GAB4: variants seen among roughly 807,000 people sequenced by gnomAD.
GAB4 encodes the protein GRB2 associated binding protein family member 4.
A neutral mutation model predicts 51.3 loss-of-function variants in GAB4; 26 were observed. The observed-to-expected ratio is 0.51, with a 90% CI of 0.37 to 0.70. The LOEUF (loss-of-function observed/expected upper bound fraction) is 0.70. Among genes scored for constraint, GAB4 ranks in the 30% least tolerant of loss-of-function variants. GAB4 has a pLI of 0.00. For synonymous variants in GAB4, 329 were observed against 291.2 expected, an observed-to-expected ratio of 1.13 and a Z score of -1.32; for missense variants, 759 against 734.6, an observed-to-expected ratio of 1.03 and a Z score of -0.38.
At chr22:16,989,200 C>A (rs1219864442) in intron 2 of GAB4, among the ~76,000 whole-genome samples, 2 of 152,190 alleles carry the variant, frequency 1.3e-5, no homozygotes, top group Non-Finnish European at 2.9e-5. Flanking sequence ...ACCCCAACAG[C>A]AAAACTTCTT....
Position 17,008,092 on chromosome 22 carries a change from G to A in GAB4, c.23C>T (p.Pro8Leu). ...GTCAGGTGGGCACAGCTCCCGGGAG[G>A]GTGAGGGGGACGGCAGGGACATGGG... MSLPSPS[P>L]SRELCPPDPA... is the part of the protein sequence containing the mutation. Residue 8 changes from proline to leucine, a missense_variant, in exon 1 of 10, where the codon CCC (proline) becomes CTC (leucine). Coordinates refer to ENST00000400588, the MANE Select transcript of GAB4 (RefSeq NM_001037814.1). 2 of 1,607,512 alleles carry A rather than the reference G, an allele frequency of 1.2e-6. No individual in the cohort carries two copies. Among genetic ancestry groups the A allele is most frequent in the South Asian group, 2.2e-5 (2 of 89,890 alleles).
intron 1 of GAB4, among the ~76,000 whole-genome samples, chr22:16,994,462 G>T (rs1036262429): frequency 1.3e-5 from 2 of 152,202 alleles, no homozygotes; most frequent in African/African-American, 4.8e-5. Flanking sequence ...GTGTGTACAT[G>T]GTGCAGGTGT....
intron 1 of GAB4, among the ~76,000 whole-genome samples, chr22:16,996,096 GT>G (rs909969998): frequency 6.6e-6 from 1 of 151,984 alleles, no homozygotes; most frequent in Admixed American, 6.6e-5. Context: ...AGGATAACCA[GT>G]TTAGAGAAGA....
intron 8 of GAB4, 46 bp from the exon 9 acceptor site, chr22:16,963,875 G>T: frequency 6.8e-7 from 1 of 1,470,520 alleles, no homozygotes; most frequent in South Asian, 1.1e-5. Context: ...TCAGGACACA[G>T]ACCCAGCACC....
At chr22:17,007,722 T>TCC (rs2061052819) in intron 1 of GAB4, among the ~76,000 whole-genome samples, 1 of 151,716 alleles carries the variant, frequency 6.6e-6, no homozygotes, top group Non-Finnish European at 1.5e-5. Context: ...GGTAATAGGG[T>TCC]CCCCAGCCCT....
intron 9 of GAB4, 100 bp downstream of exon 9, chr22:16,963,625 A>T: frequency 2.5e-6 from 2 of 788,386 alleles, no homozygotes; most frequent in African/African-American, 1.7e-5. Context: ...TGGGAGTGGC[A>T]GCCCAGCAGC....
chr22:16,982,801 T>C (rs2060837224), intron 3 of GAB4, among the ~76,000 whole-genome samples: 1 of 152,192 alleles, frequency 6.6e-6, no homozygotes, highest in African/African-American at 2.4e-5. Flanking sequence ...CTTGCATGTC[T>C]GACATAATGT....
chr22:16,964,596 A>T (rs2060655834), intron 8 of GAB4, among the ~76,000 whole-genome samples, 170 bp downstream of exon 8: 1 of 152,112 alleles, frequency 6.6e-6, no homozygotes, highest in Non-Finnish European at 1.5e-5. Context: ...TCCTAACCCT[A>T]ATGATTGCCT....
At chr22:16,992,979 G>A (rs1274154912) in intron 1 of GAB4, among the ~76,000 whole-genome samples, 6 of 151,948 alleles carry the variant, frequency 3.9e-5, no homozygotes, top group Non-Finnish European at 8.8e-5. Flanking sequence ...TCCTGCTTCC[G>A]CCTCCCAAAG....
In GAB4 at chr22:16,964,408, G is replaced by A. The variant is rs925347463; in HGVS notation, c.1476+358C>T. Among the ~76,000 whole-genome samples, 8 of 152,082 alleles carry A rather than the reference G, an allele frequency of 5.3e-5. No individual in the cohort carries two copies. The East Asian group carries it at 5.8e-4, about 11-fold the overall frequency. Reference sequence around the variant, plus strand: ...TCCTGTGTTCCACCTGCATCTCCACGTCTCTCACAGCCCTCACCAGGGTGA... The same window carrying A: ...TCCTGTGTTCCACCTGCATCTCCACATCTCTCACAGCCCTCACCAGGGTGA... On this transcript the variant is annotated intron_variant, in intron 8 of 9. Transcript: ENST00000400588.
At chr22:16,974,950 A>G (rs1211419669) in intron 3 of GAB4, among the ~76,000 whole-genome samples, 2 of 152,160 alleles carry the variant, frequency 1.3e-5, no homozygotes, top group African/African-American at 4.8e-5. Flanking sequence ...GCCGAGAGGG[A>G]CTGTGCTGTG....
intron 1 of GAB4, among the ~76,000 whole-genome samples, chr22:17,002,930 G>A (rs2061009682): frequency 6.6e-6 from 1 of 152,162 alleles, no homozygotes. Context: ...CTGTATTCAG[G>A]AGACCCATCT....
In GAB4 at chr22:16,962,269, C is replaced by T. The variant is rs2060635736; in HGVS notation, c.*464G>A. 1 of 153,408 alleles carries T rather than the reference C, an allele frequency of 6.5e-6. No individual in the cohort carries two copies. The allele number at this position is 153,408 out of a possible 1,614,324, so 9.5% of individuals were successfully genotyped here. ...TTTGCTTCTCAAGACCACCTTTAAC[C>T]TTCCTTCTCAACTATTCCAACGTTT... On this transcript the variant is annotated 3_prime_UTR_variant, in exon 10 of 10. Coordinates refer to ENST00000400588, the MANE Select transcript of GAB4 (RefSeq NM_001037814.1).
chr22:16,967,295 G>C (rs2123645055), intron 5 of GAB4: 1 of 153,312 alleles, frequency 6.5e-6, no homozygotes, highest in East Asian at 1.9e-4. Context: ...GCACCATGCA[G>C]ATGTGGCTCA....
In GAB4 at chr22:16,965,298, C is replaced by T. The variant is rs768349397; in HGVS notation, c.1289-30G>A. 3.9e-6 allele frequency: 6 copies of T among 1,522,606 alleles called. No homozygotes were observed. The African/African-American group carries it at 4.1e-5, about 10-fold the overall frequency. 94.3% of individuals were successfully genotyped at this position (1,522,606 alleles called of 1,614,324 possible). ...AGCAGGAAAAGAACCTTGTCATCAG[C>T]CAGTGATGACACCACACCCATGTCC... On this transcript the variant is annotated intron_variant, in intron 6 of 9. Coordinates refer to ENST00000400588, the MANE Select transcript of GAB4 (RefSeq NM_001037814.1).
At position 16,991,997 on chromosome 22, in the gene GAB4, G is replaced by C; in HGVS notation, c.354C>G (p.Gly118=). 2 of 1,614,150 alleles carry C rather than the reference G, an allele frequency of 1.2e-6. No homozygotes were observed. Among genetic ancestry groups the C allele is most frequent in the Non-Finnish European group, 1.7e-6 (2 of 1,179,996 alleles). Residue 118 remains glycine, a synonymous_variant, in exon 2 of 10, where the codon GGC becomes GGG. Transcript: ENST00000400588. The part of the protein sequence containing the change: ...LNFNKKEIQK[G]YMFDIKTSER... The stretch of plus-strand genomic sequence containing the variant: ...CACTGGTCTTGATGTCAAACATATA[G>C]CCCTTCTGAATCTCCTTCTTGTTGA...
chr22:17,006,672 A>G (rs2061042301), intron 1 of GAB4, among the ~76,000 whole-genome samples: 1 of 152,238 alleles, frequency 6.6e-6, no homozygotes, highest in Admixed American at 6.5e-5. Context: ...AATATTATGC[A>G]GCCATAAAAA....
At chr22:16,963,944 C>A (rs2060650524) in intron 8 of GAB4, 115 bp from the exon 9 acceptor site, 1 of 715,004 alleles carries the variant, frequency 1.4e-6, no homozygotes, top group South Asian at 1.7e-5. Context: ...CTGAGCCATG[C>A]ACTGGGGCAC....
intron 1 of GAB4, 73 bp from the exon 2 acceptor site, chr22:16,992,249 T>G (rs2060920210): frequency 7.3e-7 from 1 of 1,362,340 alleles, no homozygotes; most frequent in Admixed American, 2.0e-5. Flanking sequence ...GAGACATCAC[T>G]AAGTTAAGGA....
Sources: allele counts gnomAD v4.1 joint callset (sites outside exome capture counted in the v4.1 genomes callset), GRCh38; gene constraint gnomAD v4.1.1; transcripts MANE v1.5; gene names NCBI Gene and HGNC (gene_info 2026-07-23, HGNC 2026-07-21).